GLIS3: variants seen among roughly 807,000 people sequenced by gnomAD.
The protein encoded by GLIS3 is GLIS family zinc finger 3.
A neutral mutation model predicts 78.6 loss-of-function variants in GLIS3; 53 were observed. The ratio of observed to expected loss-of-function variants is 0.67; its 90% CI spans 0.54 to 0.85. The LOEUF is 0.85. Ranked by LOEUF, GLIS3 falls within the 40% of genes least tolerant of loss-of-function variation. The pLI, the probability that GLIS3 is intolerant of heterozygous loss-of-function variation, is 0.00. For missense variants in GLIS3, 1,703 were observed against 1,231.1 expected (o/e 1.38, Z -5.74); for synonymous variants, 684 against 509.9 (o/e 1.34, Z -4.60).
At chr9:4,438,221 G>A in the GLIS3 span, among the ~76,000 whole-genome samples, 1 of 152,136 alleles carries the variant, frequency 6.6e-6, no homozygotes, top group Admixed American at 6.5e-5. Flanking sequence ...GTATAATAAT[G>A]AGGCTAAAGT....
At chr9:4,084,861 A>G (rs1219690970) in intron 4 of GLIS3, among the ~76,000 whole-genome samples, 1 of 152,068 alleles carries the variant, frequency 6.6e-6, no homozygotes, top group Non-Finnish European at 1.5e-5. Context: ...GAATCTTCCA[A>G]AATGCTTGGC....
chr9:3,971,187 T>G (rs1335579950), intron 4 of GLIS3, among the ~76,000 whole-genome samples: 1 of 151,972 alleles, frequency 6.6e-6, no homozygotes, highest in Non-Finnish European at 1.5e-5. Context: ...AATGGCAAGA[T>G]AGCCATGTCA....
chr9:3,960,083 G>C (rs1817448000), intron 4 of GLIS3, among the ~76,000 whole-genome samples: 2 of 152,210 alleles, frequency 1.3e-5, no homozygotes, highest in African/African-American at 4.8e-5. Context: ...GTTGCAGTGA[G>C]CCGAGATGGA....
chr9:4,157,523 C>A (rs541803460), intron 2 of GLIS3, among the ~76,000 whole-genome samples: 1 of 152,034 alleles, frequency 6.6e-6, no homozygotes, highest in Admixed American at 6.6e-5. Flanking sequence ...TACCAGGGAA[C>A]GATCTATCAT....
chr9:4,357,561 C>CTGTGTGTGTGTGTG, the GLIS3 span, among the ~76,000 whole-genome samples: 130 of 147,762 alleles, frequency 8.8e-4, 2 homozygotes, highest in South Asian at 0.014. Flanking sequence ...GAACTAATTC[C>CTGTGTGTGTGTGTG]TGTGTGTGTG....
the GLIS3 span, among the ~76,000 whole-genome samples, chr9:4,457,360 C>CAAAAAAAAAAAAAAAAAAAA: frequency 1.2e-3 from 148 of 125,616 alleles, 1 homozygote; most frequent in African/African-American, 4.3e-3. Context: ...GACCTTGTCT[C>CAAAAAAAAAAAAAAAAAAAA]AAAAAAAAAA....
the GLIS3 span, among the ~76,000 whole-genome samples, chr9:4,464,291 T>A: frequency 6.6e-6 from 1 of 152,094 alleles, no homozygotes; most frequent in Non-Finnish European, 1.5e-5. Context: ...TTAGTTTCAC[T>A]GTTTTAATTT....
At chr9:4,181,139 G>C (rs1305733725) in intron 2 of GLIS3, among the ~76,000 whole-genome samples, 2 of 152,226 alleles carry the variant, frequency 1.3e-5, no homozygotes, top group Non-Finnish European at 2.9e-5. Flanking sequence ...TTGCCTGATG[G>C]TAATGAGAAG....
At chr9:4,385,118 A>C in the GLIS3 span, among the ~76,000 whole-genome samples, 1 of 152,226 alleles carries the variant, frequency 6.6e-6, no homozygotes, top group African/African-American at 2.4e-5. Flanking sequence ...ACTCCTCAGA[A>C]CAGTTTACTG....
chr9:4,262,885 G>C (rs959924966), intron 2 of GLIS3, among the ~76,000 whole-genome samples: 2 of 143,408 alleles, frequency 1.4e-5, no homozygotes, highest in South Asian at 4.4e-4. Flanking sequence ...CCTTAAGCCC[G>C]TAGTTCACAT....
intron 6 of GLIS3, among the ~76,000 whole-genome samples, chr9:3,915,898 C>G (rs1395008168): frequency 1.3e-5 from 2 of 152,312 alleles, no homozygotes; most frequent in East Asian, 1.9e-4. Context: ...AGGCATATCT[C>G]TCTTTCTTCC....
intron 7 of GLIS3, among the ~76,000 whole-genome samples, chr9:3,894,468 C>T (rs1822683872): frequency 6.6e-6 from 1 of 152,092 alleles, no homozygotes; most frequent in Non-Finnish European, 1.5e-5. Context: ...ATGTAGAAAA[C>T]ATATTAAAAC....
chr9:4,352,432 G>A (rs995113681), upstream of GLIS3, among the ~76,000 whole-genome samples: 2 of 152,252 alleles, frequency 1.3e-5, no homozygotes, highest in Non-Finnish European at 2.9e-5. Flanking sequence ...AGGGTATGGG[G>A]ACATAGAAAT....
Position 4,257,345 on chromosome 9 carries a change from G to C in GLIS3, c.388+28693C>G, listed in dbSNP as rs982879223. Among the ~76,000 whole-genome samples, 18 of 152,204 alleles carry C rather than the reference G, an allele frequency of 1.2e-4. No homozygotes were observed. The East Asian group carries it at 3.5e-3, about 29-fold the overall frequency. On this transcript the variant is annotated intron_variant, in intron 2 of 10. Coordinates refer to ENST00000381971, the MANE Select transcript of GLIS3 (RefSeq NM_001042413.2). ...GATGAGTGGGGTGGGGATGTGAGAT[G>C]CAAGTCAAAGGGCACAAAGGTGCAG...
chr9:4,305,104 GAA>G (rs1225764900), intron 4 of GLIS3: 2 of 152,154 alleles, frequency 1.3e-5, no homozygotes, highest in African/African-American at 4.8e-5. Flanking sequence ...TTACAGATGA[GAA>G]AAGAGAGGCA....
At chr9:4,176,235 C>T (rs1028888347) in intron 2 of GLIS3, among the ~76,000 whole-genome samples, 2 of 152,156 alleles carry the variant, frequency 1.3e-5, no homozygotes, top group Non-Finnish European at 2.9e-5. Context: ...AAGTAACACA[C>T]ATACAATGTA....
At chr9:4,112,071 A>G (rs539613999) in intron 4 of GLIS3, among the ~76,000 whole-genome samples, 1 of 152,306 alleles carries the variant, frequency 6.6e-6, no homozygotes, top group South Asian at 2.1e-4. Context: ...TCTTACCTTT[A>G]AAAATGGGAA....
chr9:4,443,824 AG>A, the GLIS3 span, among the ~76,000 whole-genome samples: 1 of 152,200 alleles, frequency 6.6e-6, no homozygotes, highest in Non-Finnish European at 1.5e-5. Context: ...CCCAAATGCA[AG>A]AAGAAATAAC....
chr9:4,219,682 A>G (rs1821148330), intron 2 of GLIS3, among the ~76,000 whole-genome samples: 1 of 152,210 alleles, frequency 6.6e-6, no homozygotes, highest in African/African-American at 2.4e-5. Flanking sequence ...AGCATCTTTC[A>G]ATGAAAAAAA....
Sources: gnomAD v4.1 joint callset for allele counts (sites outside exome capture counted in the v4.1 genomes callset) on GRCh38, gnomAD v4.1.1 for gene constraint, MANE v1.5 for transcripts, NCBI Gene and HGNC (gene_info 2026-07-23, HGNC 2026-07-21) for gene names.